The following ELF5 variants were observed in gnomAD, a reference collection of about 807,000 sequenced individuals.
The protein encoded by ELF5 is ETS-related transcription factor Elf-5.
In ELF5, 31 loss-of-function variants were observed where a neutral mutation model predicts 38.2. That is an observed-to-expected ratio of 0.81 (90% CI 0.61 to 1.10). The LOEUF (loss-of-function observed/expected upper bound fraction) is 1.10, where lower values mean the gene tolerates loss of function less well. Ranked by LOEUF, ELF5 falls within the 50% of genes least tolerant of loss-of-function variation. The pLI is 0.00. For synonymous variants in ELF5, 121 were observed against 112.5 expected, an observed-to-expected ratio of 1.08 and a Z score of -0.48; for missense variants, 300 against 306.6, an observed-to-expected ratio of 0.98 and a Z score of 0.16.
intron 5 of ELF5, among the ~76,000 whole-genome samples, chr11:34,481,357 T>G (rs770561910): frequency 4.6e-5 from 7 of 152,098 alleles, no homozygotes; most frequent in Non-Finnish European, 1.0e-4. Context: ...AGATGTACAA[T>G]TTCTCACTAG....
intron 2 of ELF5, among the ~76,000 whole-genome samples, chr11:34,497,625 T>G (rs977434022): frequency 6.6e-6 from 1 of 152,214 alleles, no homozygotes; most frequent in South Asian, 2.1e-4. Flanking sequence ...AGTGGCCCCA[T>G]GTGGAGACAG....
chr11:34,501,863 T>C (rs954022196), intron 2 of ELF5, among the ~76,000 whole-genome samples: 2 of 152,186 alleles, frequency 1.3e-5, no homozygotes, highest in Non-Finnish European at 2.9e-5. Flanking sequence ...AGGCTGAGTA[T>C]TCCACCCTTC....
rs80275957 is a variant in ELF5, at chr11:34,512,033, G to A, written c.-5+1644C>T. 2.0e-4 allele frequency among the ~76,000 whole-genome samples: 31 copies of A among 152,240 alleles called. 1 individual carries two copies. In the East Asian group the frequency reaches 5.6e-3, roughly 28 times the overall value. Reference sequence around the variant, plus strand: ...GAGTGGTATCATTGGGAAGAAAATCGGTTTTCCTTCCTTAAAGCCTCAGTG... The same window carrying A: ...GAGTGGTATCATTGGGAAGAAAATCAGTTTTCCTTCCTTAAAGCCTCAGTG... On this transcript the variant is annotated intron_variant, in intron 1 of 6. Coordinates refer to ENST00000257832, the MANE Select transcript of ELF5 (RefSeq NM_001422.4).
intron 4 of ELF5, among the ~76,000 whole-genome samples, chr11:34,489,126 G>A (rs896125332): frequency 1.3e-5 from 2 of 152,236 alleles, no homozygotes; most frequent in Non-Finnish European, 2.9e-5. Flanking sequence ...TGTGGTCCAC[G>A]AACTGGCCAT....
chr11:34,511,826 T>C, intron 1 of ELF5: 1 of 519,276 alleles, frequency 1.9e-6, no homozygotes, highest in Non-Finnish European at 3.5e-6. Context: ...AGGAGGAAAA[T>C]TCCTTCCTGA....
intron 3 of ELF5, among the ~76,000 whole-genome samples, chr11:34,490,713 G>T (rs1367103751): frequency 5.3e-5 from 8 of 152,174 alleles, no homozygotes; most frequent in Admixed American, 5.2e-4. Context: ...TTTTCACATA[G>T]CAGTTTAGGC....
chr11:34,512,968 CG>C (rs1423516340), intron 1 of ELF5, among the ~76,000 whole-genome samples: 1 of 152,090 alleles, frequency 6.6e-6, no homozygotes, highest in African/African-American at 2.4e-5. Flanking sequence ...CACTTTCGGG[CG>C]TACAAAAGGC....
chr11:34,481,711 T>C (rs761945833), intron 5 of ELF5, among the ~76,000 whole-genome samples: 2 of 152,222 alleles, frequency 1.3e-5, no homozygotes, highest in Non-Finnish European at 2.9e-5. Flanking sequence ...TCTTATTCTA[T>C]GATATGGTGG....
intron 5 of ELF5, 112 bp downstream of exon 5, chr11:34,482,319 G>T: frequency 1.1e-6 from 1 of 937,268 alleles, no homozygotes. Context: ...ACCTTCCTTG[G>T]GGAGTAACTG....
chr11:34,488,976 AGT>A (rs1463993854), intron 4 of ELF5, among the ~76,000 whole-genome samples: 1 of 152,144 alleles, frequency 6.6e-6, no homozygotes, highest in African/African-American at 2.4e-5. Context: ...ACCAGGAAAC[AGT>A]GTGTGAGCTT....
chr11:34,500,945 A>G (rs958836063), intron 2 of ELF5, among the ~76,000 whole-genome samples: 4 of 151,286 alleles, frequency 2.6e-5, no homozygotes, highest in Non-Finnish European at 5.9e-5. Flanking sequence ...TAACATATTT[A>G]TTGAGCACTT....
intron 2 of ELF5, among the ~76,000 whole-genome samples, chr11:34,494,364 G>T (rs1292747198): frequency 6.6e-6 from 1 of 152,180 alleles, no homozygotes; most frequent in East Asian, 1.9e-4. Flanking sequence ...TGGCAATCTT[G>T]TGCCAAGAAC....
At chr11:34,482,689 A>T (rs1856968618) in intron 4 of ELF5, among the ~76,000 whole-genome samples, 190 bp from the exon 5 acceptor site, 1 of 152,160 alleles carries the variant, frequency 6.6e-6, no homozygotes, top group South Asian at 2.1e-4. Context: ...GAGCACTTGT[A>T]TTCAATCTCA....
At chr11:34,480,352 T>G (rs868310851) in intron 6 of ELF5, 38 bp from the exon 7 acceptor site, 1 of 1,512,958 alleles carries the variant, frequency 6.6e-7, no homozygotes. Context: ...TGGGAGAGCT[T>G]GCACCCTAGG....
intron 2 of ELF5, among the ~76,000 whole-genome samples, chr11:34,496,645 G>T (rs1336200927): frequency 1.3e-5 from 2 of 152,114 alleles, no homozygotes; most frequent in Admixed American, 1.3e-4. Flanking sequence ...TGCCCATCAG[G>T]CGTCCTCCTC....
intron 2 of ELF5, among the ~76,000 whole-genome samples, chr11:34,494,531 C>G (rs1850268346): frequency 6.6e-6 from 1 of 152,168 alleles, no homozygotes; most frequent in African/African-American, 2.4e-5. Flanking sequence ...AGAGCCCCCA[C>G]TCCTTTAGAG....
chr11:34,506,702 T>C (rs2133901804), intron 1 of ELF5, among the ~76,000 whole-genome samples: 2 of 152,128 alleles, frequency 1.3e-5, no homozygotes, highest in East Asian at 3.9e-4. Context: ...TTAGTAAAGA[T>C]GGAGTTTCAC....
At chr11:34,487,596 G>T (rs1311584662) in intron 4 of ELF5, among the ~76,000 whole-genome samples, 2 of 152,168 alleles carry the variant, frequency 1.3e-5, no homozygotes, top group African/African-American at 2.4e-5. Context: ...TGCTCAGAAT[G>T]AAATCCTAAC....
At chr11:34,490,093 A>G (rs376040055) in intron 3 of ELF5, 34 bp from the exon 4 acceptor site, 527 of 1,611,130 alleles carry the variant, frequency 3.3e-4, no homozygotes, top group Non-Finnish European at 4.4e-4. Flanking sequence ...AAACCATACC[A>G]TGCAATCCTG....
Sources: gnomAD v4.1 joint callset for allele counts (sites outside exome capture counted in the v4.1 genomes callset) on GRCh38, gnomAD v4.1.1 for gene constraint, MANE v1.5 for transcripts, NCBI Gene and HGNC (gene_info 2026-07-23, HGNC 2026-07-21) for gene names.